Variants in RSF1 observed in about 807,000 individuals in gnomAD.
RSF1 encodes HBV pX-associated protein 8.
A neutral mutation model predicts 145.2 loss-of-function variants in RSF1; 13 were observed. That is an observed-to-expected ratio of 0.09 (90% CI 0.06 to 0.14). RSF1 has a LOEUF of 0.14. RSF1 is among the 10% of genes least tolerant of loss of function. The probability of loss-of-function intolerance (pLI) is 1.00; values close to 1 mark genes in which losing one functional copy is unlikely to be tolerated. For synonymous variants in RSF1, 577 were observed against 592.6 expected (o/e 0.97, Z 0.38); for missense variants, 1,517 against 1,718.2 (o/e 0.88, Z 2.07).
chr11:77,756,015 C>T (rs1177935131), intron 2 of RSF1, among the ~76,000 whole-genome samples: 1 of 152,022 alleles, frequency 6.6e-6, no homozygotes, highest in Non-Finnish European at 1.5e-5. Context: ...CTTAATTAAA[C>T]AAAAATTATC....
rs1279898190 is a variant in RSF1, at chr11:77,701,713, T to C, written c.1516A>G (p.Thr506Ala). The C allele has an allele frequency of 2.5e-6, 4 of 1,613,748 alleles. No homozygotes were observed. Among genetic ancestry groups the C allele is most frequent in the Non-Finnish European group, 3.4e-6 (4 of 1,179,978 alleles). ...TCTGCATCTTTCCTCAAAGGGGCTG[T>C]TTCTTTCTCAAGCTCACCTGTTTTC... ...SMKTGELEKE[T>A]APLRKDADSS... Residue 506 changes from threonine (T) to alanine (A), a missense_variant, in exon 6 of 16, where the codon ACA becomes GCA. Transcript: ENST00000308488.
At chr11:77,677,532 TAAAC>T (rs1019514780) in intron 12 of RSF1, among the ~76,000 whole-genome samples, 1 of 152,204 alleles carries the variant, frequency 6.6e-6, no homozygotes, top group Non-Finnish European at 1.5e-5. Flanking sequence ...GGAAAAGCCT[TAAAC>T]AATCTACTTA....
Position 77,702,407 on chromosome 11 carries a change from A to G in RSF1, c.822T>C (p.Thr274=). The change falls in exon 6 of 16, where the codon ACT becomes ACC. Residue 274 remains threonine, a synonymous_variant. Coordinates refer to ENST00000308488, the MANE Select transcript of RSF1 (RefSeq NM_016578.4). The part of the protein sequence containing the change: ...NRSTANVLEE[T]TVKKEKEDEK... ...CATCTTCTTTTTCTTTTTTCACAGT[A>G]GTCTCTTCTAGAACATTGGCTGTAG... 1 of 1,607,766 alleles carries G rather than the reference A, an allele frequency of 6.2e-7. No individual in the cohort carries two copies.
chr11:77,711,665 G>A (rs779747891), intron 5 of RSF1, among the ~76,000 whole-genome samples: 5 of 147,078 alleles, frequency 3.4e-5, no homozygotes, highest in Non-Finnish European at 5.9e-5. Flanking sequence ...GCGAAAGTCC[G>A]TCTCAAAAAC....
Position 77,683,813 on chromosome 11 carries a change from C to T in RSF1, c.2962G>A (p.Asp988Asn). ...TTTTCTTCTTGATCTTCAGAAAAGTCTGGCTCCTTAAAAAATATGATAATA... is the reference window on the plus strand; with the variant it reads ...TTTTCTTCTTGATCTTCAGAAAAGTTTGGCTCCTTAAAAAATATGATAATA... The part of the protein sequence containing the change: ...IENIIPPQEP[D>N]FSEDQEEKKK... The change falls in exon 11 of 16, where the codon GAC becomes AAC. Residue 988 changes from aspartate to asparagine, a missense_variant. By Grantham distance (23) the Asp-to-Asn change is conservative (BLOSUM62 1). Transcript: ENST00000308488. 1 of 1,608,808 alleles carries T rather than the reference C, an allele frequency of 6.2e-7. No individual in the cohort carries two copies. The highest frequency in any genetic ancestry group is 8.5e-7 in the Non-Finnish European group (1 of 1,178,054).
chr11:77,795,922 G>A (rs750307926), intron 1 of RSF1, among the ~76,000 whole-genome samples: 9 of 152,048 alleles, frequency 5.9e-5, no homozygotes, highest in Non-Finnish European at 8.8e-5. Flanking sequence ...TCAGGGATTC[G>A]ACTTTTCCTG....
chr11:77,764,840 A>G (rs1168789741), intron 1 of RSF1, 151 bp from the exon 2 acceptor site: 5 of 545,582 alleles, frequency 9.2e-6, no homozygotes, highest in Non-Finnish European at 1.6e-5. Flanking sequence ...CTGAATCAAA[A>G]AAGCCTAAAC....
chr11:77,824,167 C>G (rs1424011411), upstream of RSF1, among the ~76,000 whole-genome samples: 1 of 152,184 alleles, frequency 6.6e-6, no homozygotes, highest in Non-Finnish European at 1.5e-5. Flanking sequence ...ACCCATAATG[C>G]TATCATCACT....
intron 15 of RSF1, among the ~76,000 whole-genome samples, chr11:77,670,596 G>C (rs1348376463): frequency 6.6e-6 from 1 of 152,024 alleles, no homozygotes; most frequent in Non-Finnish European, 1.5e-5. Flanking sequence ...TCCAGTGCTT[G>C]GAATAGGGCC....
At chr11:77,813,399 A>G (rs562811096) in intron 1 of RSF1, 68 of 1,181,856 alleles carry the variant, frequency 5.8e-5, no homozygotes, top group Middle Eastern at 5.5e-4. Flanking sequence ...TCTCAGAAGG[A>G]CTGTGCAAGT....
the RSF1 span, among the ~76,000 whole-genome samples, chr11:77,864,526 T>A: frequency 5.3e-5 from 8 of 152,180 alleles, no homozygotes; most frequent in African/African-American, 1.9e-4. Flanking sequence ...AGGGTGTATA[T>A]TATGTGAAAA....
At chr11:77,737,621 G>GGGTGTGTGTGTGTGTGTGT (rs1491534916) in intron 4 of RSF1, among the ~76,000 whole-genome samples, 41 of 93,546 alleles carry the variant, frequency 4.4e-4, no homozygotes, top group East Asian at 3.7e-3. Flanking sequence ...TGTTTTGGGG[G>GGGTGTGTGTGTGTGTGTGT]GTGTGTGTGT....
chr11:77,857,054 T>C, the RSF1 span, among the ~76,000 whole-genome samples: 3 of 152,232 alleles, frequency 2.0e-5, no homozygotes, highest in South Asian at 6.2e-4. Context: ...TATGAAGTAA[T>C]AGTGCATATA....
At chr11:77,718,365 A>ATCT (rs1262178380) in intron 5 of RSF1, 2 of 152,216 alleles carry the variant, frequency 1.3e-5, no homozygotes, top group Non-Finnish European at 2.9e-5. Context: ...TTAAGAATAT[A>ATCT]TAGCTGCACA....
chr11:77,712,401 C>T (rs897902727), intron 5 of RSF1, among the ~76,000 whole-genome samples: 1 of 152,170 alleles, frequency 6.6e-6, no homozygotes, highest in Admixed American at 6.5e-5. Context: ...TTATAAATTA[C>T]CCAGTCTCAG....
the RSF1 span, among the ~76,000 whole-genome samples, chr11:77,862,496 G>A: frequency 6.6e-6 from 1 of 152,122 alleles, no homozygotes; most frequent in Non-Finnish European, 1.5e-5. Flanking sequence ...CCCACCACTT[G>A]GAGAGGGCAT....
At chr11:77,850,226 G>A in the RSF1 span, among the ~76,000 whole-genome samples, 1 of 152,192 alleles carries the variant, frequency 6.6e-6, no homozygotes, top group African/African-American at 2.4e-5. Context: ...GTAAGAAAAT[G>A]TAAGGTCTTC....
At chr11:77,770,355 G>C (rs773829831) in intron 1 of RSF1, among the ~76,000 whole-genome samples, 3 of 152,092 alleles carry the variant, frequency 2.0e-5, no homozygotes, top group Non-Finnish European at 2.9e-5. Context: ...CCAGCTACTC[G>C]GGAGGCTGAG....
the RSF1 span, chr11:77,868,989 G>A: frequency 6.5e-6 from 2 of 307,924 alleles, no homozygotes; most frequent in Admixed American, 3.7e-5. Flanking sequence ...CAGCACGTTG[G>A]GTAATACCGT....
Sources: gnomAD v4.1 joint callset for allele counts (sites outside exome capture counted in the v4.1 genomes callset) on GRCh38, gnomAD v4.1.1 for gene constraint, MANE v1.5 for transcripts, NCBI Gene and HGNC (gene_info 2026-07-23, HGNC 2026-07-21) for gene names.